Variants in PRDM5 observed in about 807,000 individuals in gnomAD.
The protein encoded by PRDM5 is PR domain zinc finger protein 5.
PRDM5 carries 56 observed loss-of-function variants against 81.2 expected under a neutral mutation model. The ratio of observed to expected loss-of-function variants is 0.69; its 90% CI spans 0.56 to 0.86. PRDM5 has a LOEUF of 0.86. Among genes scored for constraint, PRDM5 ranks in the 40% least tolerant of loss-of-function variants. The pLI, the probability that PRDM5 is intolerant of heterozygous loss-of-function variation, is 0.00. For missense variants in PRDM5, 697 were observed against 770.1 expected (o/e 0.91, Z 1.12); for synonymous variants, 267 against 256.4 (o/e 1.04, Z -0.39).
At position 120,814,496 on chromosome 4, in the gene PRDM5, C is replaced by T. The variant is rs1446233044; in HGVS notation, c.865+1957G>A. Among the ~76,000 whole-genome samples, 3 of 152,186 alleles carry T rather than the reference C, an allele frequency of 2.0e-5. No homozygotes were observed. In the East Asian group the frequency reaches 5.8e-4, roughly 29 times the overall value. On this transcript the variant is annotated intron_variant, in intron 7 of 15. Coordinates refer to ENST00000264808, the MANE Select transcript of PRDM5 (RefSeq NM_018699.4). ...TGTGAGCTAAGTATGCTTCTAGGAG[C>T]TGGTCTGAGAACCTACCTACCCATG...
At chr4:120,885,095 A>C (rs2148599102) in intron 2 of PRDM5, among the ~76,000 whole-genome samples, 1 of 142,268 alleles carries the variant, frequency 7.0e-6, no homozygotes, top group African/African-American at 2.7e-5. Context: ...AGATCGCGCC[A>C]CTGTACTCCA....
chr4:120,786,012 A>G (rs2149251535), intron 10 of PRDM5, among the ~76,000 whole-genome samples: 1 of 152,256 alleles, frequency 6.6e-6, no homozygotes, highest in Non-Finnish European at 1.5e-5. Context: ...TCTACTATAG[A>G]TGGCATGATA....
chr4:120,840,860 T>A (rs1757952411), intron 3 of PRDM5, among the ~76,000 whole-genome samples: 1 of 152,122 alleles, frequency 6.6e-6, no homozygotes, highest in African/African-American at 2.4e-5. Context: ...GAGACAGCCC[T>A]CCACTGCCAT....
intron 2 of PRDM5, among the ~76,000 whole-genome samples, chr4:120,887,363 C>A (rs1338402273): frequency 6.6e-6 from 1 of 152,140 alleles, no homozygotes; most frequent in Non-Finnish European, 1.5e-5. Flanking sequence ...AACTCCAAGC[C>A]ACCATCAAAT....
chr4:120,719,754 G>C (rs533338796), intron 14 of PRDM5, among the ~76,000 whole-genome samples: 5 of 152,200 alleles, frequency 3.3e-5, no homozygotes, highest in Middle Eastern at 3.4e-3. Flanking sequence ...GGGCTACTTG[G>C]GGATTCATTA....
intron 14 of PRDM5, among the ~76,000 whole-genome samples, chr4:120,723,581 A>G (rs1286849382): frequency 6.6e-6 from 1 of 152,180 alleles, no homozygotes; most frequent in Non-Finnish European, 1.5e-5. Flanking sequence ...CGAAAAATCA[A>G]TGCAAATTGT....
At chr4:120,719,865 G>A (rs568847708) in intron 14 of PRDM5, among the ~76,000 whole-genome samples, 49 of 152,032 alleles carry the variant, frequency 3.2e-4, no homozygotes, top group Non-Finnish European at 5.6e-4. Flanking sequence ...TAAAAATATC[G>A]CCATTATCCT....
intron 2 of PRDM5, among the ~76,000 whole-genome samples, chr4:120,898,222 A>G (rs924341617): frequency 1.3e-5 from 2 of 152,138 alleles, no homozygotes; most frequent in African/African-American, 2.4e-5. Context: ...GGTGCTTCCA[A>G]TTCAAAGTAT....
At chr4:120,697,036 G>A in intron 15 of PRDM5, among the ~76,000 whole-genome samples, 1 of 152,220 alleles carries the variant, frequency 6.6e-6, no homozygotes, top group East Asian at 1.9e-4. Context: ...ACATGCAACA[G>A]CATAGCATAT....
intron 13 of PRDM5, among the ~76,000 whole-genome samples, chr4:120,758,080 T>C (rs893689217): frequency 6.6e-6 from 1 of 152,160 alleles, no homozygotes; most frequent in Non-Finnish European, 1.5e-5. Flanking sequence ...CATCATTGGC[T>C]CACCTGGTTT....
Position 120,858,388 on chromosome 4 carries a change from C to T in PRDM5, c.178-4848G>A, listed in dbSNP as rs971577797. 4.0e-5 allele frequency among the ~76,000 whole-genome samples: 6 copies of T among 149,046 alleles called. No individual in the cohort carries two copies. In the South Asian group the frequency reaches 6.3e-4, roughly 16 times the overall value. On this transcript the variant is annotated intron_variant, in intron 2 of 15. Transcript: ENST00000264808. ...AGTGTGCTCAAGTAGTCAATTCTGA[C>T]GGCACATTGTTTGTCAGATTTAAAC...
At chr4:120,804,145 A>T (rs1229039931) in intron 8 of PRDM5, among the ~76,000 whole-genome samples, 4 of 152,240 alleles carry the variant, frequency 2.6e-5, no homozygotes, top group African/African-American at 9.6e-5. Context: ...CAACAAGAAG[A>T]GCTAACTATC....
At chr4:120,725,820 T>TAA (rs1739314714) in intron 14 of PRDM5, among the ~76,000 whole-genome samples, 1 of 152,158 alleles carries the variant, frequency 6.6e-6, no homozygotes, top group African/African-American at 2.4e-5. Context: ...TGTCAGCCTG[T>TAA]AAATCCACCC....
chr4:120,801,095 A>T (rs113142036), intron 8 of PRDM5, among the ~76,000 whole-genome samples: 39 of 152,348 alleles, frequency 2.6e-4, no homozygotes, highest in African/African-American at 9.4e-4. Flanking sequence ...ATGTTGTTGA[A>T]TATTCAAAAA....
chr4:120,689,395 A>G (rs1272823545), downstream of PRDM5, among the ~76,000 whole-genome samples: 3 of 151,862 alleles, frequency 2.0e-5, no homozygotes, highest in Admixed American at 1.3e-4. Context: ...GTTGTACTTG[A>G]CCCTGCTTTA....
chr4:120,688,239 G>A (rs1296697077), downstream of PRDM5, among the ~76,000 whole-genome samples: 3 of 150,490 alleles, frequency 2.0e-5, no homozygotes, highest in Non-Finnish European at 4.5e-5. Flanking sequence ...TAGTAATGTT[G>A]AACATGTTTT....
intron 3 of PRDM5, among the ~76,000 whole-genome samples, chr4:120,842,199 G>A (rs1758121486): frequency 6.6e-6 from 1 of 152,138 alleles, no homozygotes; most frequent in African/African-American, 2.4e-5. Flanking sequence ...CGGCAGTCTG[G>A]CTAAGATAAA....
intron 8 of PRDM5, among the ~76,000 whole-genome samples, chr4:120,811,126 T>A (rs771393637): frequency 5.3e-5 from 8 of 152,014 alleles, no homozygotes; most frequent in Admixed American, 3.3e-4. Context: ...GTTATAATAA[T>A]AAAATATAGT....
At chr4:120,690,374 C>T (rs1733993850), downstream of PRDM5, among the ~76,000 whole-genome samples, 1 of 152,088 alleles carries the variant, frequency 6.6e-6, no homozygotes, top group African/African-American at 2.4e-5. Context: ...GCTCAGGCCA[C>T]CATCCAAATG....
Sources: allele counts gnomAD v4.1 joint callset (sites outside exome capture counted in the v4.1 genomes callset), GRCh38; gene constraint gnomAD v4.1.1; transcripts MANE v1.5; gene names NCBI Gene and HGNC (gene_info 2026-07-23, HGNC 2026-07-21).